ZNF367: variants seen among roughly 807,000 people sequenced by gnomAD.
ZNF367 encodes the protein C2H2 zinc finger protein ZFF29.
A neutral mutation model predicts 31.8 loss-of-function variants in ZNF367; 11 were observed. The ratio of observed to expected loss-of-function variants is 0.35; its 90% CI spans 0.22 to 0.57. The LOEUF (loss-of-function observed/expected upper bound fraction) is 0.57, where lower values mean the gene tolerates loss of function less well. ZNF367 is among the 20% of genes least tolerant of loss of function. The probability of loss-of-function intolerance (pLI) is 0.85; values close to 1 mark genes in which losing one functional copy is unlikely to be tolerated. For synonymous variants in ZNF367, 199 were observed against 202.4 expected, an observed-to-expected ratio of 0.98 and a Z score of 0.14; for missense variants, 353 against 484.1, an observed-to-expected ratio of 0.73 and a Z score of 2.54.
intron 1 of ZNF367, among the ~76,000 whole-genome samples, chr9:96,415,746 G>A (rs562035776): frequency 2.0e-5 from 3 of 151,938 alleles, no homozygotes; most frequent in African/African-American, 7.2e-5. Context: ...TGATCCACCC[G>A]CCTCAGCCTC....
At chr9:96,398,373 C>A in intron 1 of ZNF367, 59 bp from the exon 2 acceptor site, 2 of 1,463,520 alleles carry the variant, frequency 1.4e-6, no homozygotes, top group South Asian at 1.3e-5. Context: ...ATTAAAGCAA[C>A]GTATCATAAT....
chr9:96,397,049 T>C (rs963455732), intron 2 of ZNF367, among the ~76,000 whole-genome samples: 1 of 152,192 alleles, frequency 6.6e-6, no homozygotes, highest in African/African-American at 2.4e-5. Flanking sequence ...CAGTAAAAAT[T>C]ATTGTTTACT....
intron 2 of ZNF367, among the ~76,000 whole-genome samples, chr9:96,396,743 C>T (rs149589926): frequency 2.4e-3 from 372 of 152,000 alleles, no homozygotes; most frequent in African/African-American, 8.5e-3. Context: ...TCTTGGCTCA[C>T]CGCAACCTCC....
chr9:96,394,318 C>T (rs978331033), intron 3 of ZNF367, among the ~76,000 whole-genome samples: 1 of 152,166 alleles, frequency 6.6e-6, no homozygotes, highest in East Asian at 1.9e-4. Context: ...GACAGTAGAA[C>T]AATGGTGCCC....
At chr9:96,391,427 CCAGGCAGAGGAAGCAGGGTGCACA>C (rs1831470964) in intron 4 of ZNF367, among the ~76,000 whole-genome samples, 1 of 152,090 alleles carries the variant, frequency 6.6e-6, no homozygotes, top group African/African-American at 2.4e-5. Context: ...AGTGAGTGCT[CCAGGCAGAGGAAGCAGGGTGCACA>C]CAGGCCCTCA....
At chr9:96,409,734 A>G (rs556030578) in intron 1 of ZNF367, among the ~76,000 whole-genome samples, 2 of 152,332 alleles carry the variant, frequency 1.3e-5, no homozygotes, top group African/African-American at 4.8e-5. Flanking sequence ...GTAGCCACAT[A>G]TAGCTCAAGT....
intron 1 of ZNF367, among the ~76,000 whole-genome samples, chr9:96,410,935 G>A (rs111890169): frequency 1.3e-5 from 2 of 151,502 alleles, no homozygotes; most frequent in East Asian, 1.9e-4. Flanking sequence ...AGTGGCTCAC[G>A]CCTGTAATCC....
rs749572016 is a variant in ZNF367, at chr9:96,398,255, T to G, written c.480A>C (p.Gly160=). 3 of 1,613,830 alleles carry G rather than the reference T, an allele frequency of 1.9e-6. No individual in the cohort carries two copies. Among genetic ancestry groups the G allele is most frequent in the South Asian group, 1.1e-5 (1 of 91,046 alleles). ...ADTVRDLINE[G]EHSSSRIRCN... ...AACGGATTCTGCTGGATGAATGCTCTCCTTCATTTATTAAATCGCGGACAG... is the reference window on the plus strand; with the variant it reads ...AACGGATTCTGCTGGATGAATGCTCGCCTTCATTTATTAAATCGCGGACAG... The change falls in exon 2 of 5, where the codon GGA becomes GGC. Residue 160 remains glycine, a synonymous_variant. Transcript: ENST00000375256.
intron 2 of ZNF367, among the ~76,000 whole-genome samples, chr9:96,396,792 C>T (rs1224281209): frequency 6.6e-6 from 1 of 151,886 alleles, no homozygotes; most frequent in African/African-American, 2.4e-5. Flanking sequence ...CTCAGTTTCC[C>T]GAGTAACTGA....
At chr9:96,400,534 T>C (rs1243356607) in intron 1 of ZNF367, among the ~76,000 whole-genome samples, 4 of 147,482 alleles carry the variant, frequency 2.7e-5, no homozygotes, top group Non-Finnish European at 4.5e-5. Flanking sequence ...AGCTGAAACA[T>C]ACAATAACTA....
Position 96,387,614 on chromosome 9 carries a change from C to T in ZNF367, c.*623G>A, listed in dbSNP as rs1831420843. 2.0e-5 allele frequency: 3 copies of T among 152,260 alleles called. No individual in the cohort carries two copies. The highest frequency in any genetic ancestry group is 2.1e-4 in the South Asian group (1 of 4,816). 9.4% of individuals were successfully genotyped at this position (152,260 alleles called of 1,614,324 possible). On this transcript the variant is annotated 3_prime_UTR_variant, in exon 5 of 5. Transcript: ENST00000375256. ...CCCAGATAGAATAAGACTGATTTTGCTCCAATTTCAAAAATTCTGAACTAT... is the reference window on the plus strand; with the variant it reads ...CCCAGATAGAATAAGACTGATTTTGTTCCAATTTCAAAAATTCTGAACTAT...
intron 1 of ZNF367, among the ~76,000 whole-genome samples, chr9:96,416,277 G>A (rs1309655339): frequency 2.6e-5 from 4 of 151,776 alleles, no homozygotes; most frequent in Non-Finnish European, 1.5e-5. Flanking sequence ...GAGTAAAGAC[G>A]GGGTTTCACC....
At chr9:96,390,608 G>A (rs1475321510) in intron 4 of ZNF367, among the ~76,000 whole-genome samples, 3 of 152,158 alleles carry the variant, frequency 2.0e-5, no homozygotes, top group Admixed American at 1.3e-4. Flanking sequence ...AGGAGGCGAG[G>A]TGCGGTGGCT....
rs73536954 is a variant in ZNF367, at chr9:96,403,472, G to T, written c.421-5158C>A. Among the ~76,000 whole-genome samples the T allele has an allele frequency of 2.9e-3, 442 of 151,784 alleles. 3 individuals are homozygous for T. Among genetic ancestry groups the T allele is most frequent in the African/African-American group, 9.5e-3 (393 of 41,348 alleles). ...TGCAATCTCTATTAAAATTCCAGGG[G>T]TTTTTTTTCTTTTTTTTTCTTGCAG... On this transcript the variant is annotated intron_variant, in intron 1 of 4. Transcript: ENST00000375256.
intron 1 of ZNF367, among the ~76,000 whole-genome samples, chr9:96,415,737 G>C (rs113213433): frequency 0.015 from 2,327 of 151,750 alleles, 65 homozygotes; most frequent in African/African-American, 0.053. Flanking sequence ...GACCTCAGGT[G>C]ATCCACCCGC....
intron 1 of ZNF367, chr9:96,407,625 G>A (rs1053995589): frequency 9.6e-6 from 14 of 1,455,526 alleles, no homozygotes; most frequent in Non-Finnish European, 1.3e-5. Context: ...GAAAAGAGAA[G>A]GCGGGAAAAT....
chr9:96,402,432 A>G (rs1265930346), intron 1 of ZNF367, among the ~76,000 whole-genome samples: 1 of 143,840 alleles, frequency 7.0e-6, no homozygotes, highest in East Asian at 2.0e-4. Context: ...TACTTCCTTT[A>G]CTTCTTTCTT....
intron 1 of ZNF367, among the ~76,000 whole-genome samples, chr9:96,400,144 A>C (rs559833032): frequency 1.8e-4 from 27 of 152,320 alleles, no homozygotes; most frequent in African/African-American, 6.0e-4. Context: ...AAGATTTTAA[A>C]TCAACTGTCT....
rs551651323 is a variant in ZNF367, at chr9:96,410,419, G to A, written c.420+7194C>T. ...TACTAAAAAATACAAAAAATTAGCC[G>A]GGCGTGGTGGCGGGTGCCTGTAGTC... On this transcript the variant is annotated intron_variant, in intron 1 of 4. Coordinates refer to ENST00000375256, the MANE Select transcript of ZNF367 (RefSeq NM_153695.4). Among the ~76,000 whole-genome samples, 21 of 149,724 alleles carry A rather than the reference G, an allele frequency of 1.4e-4. No individual in the cohort carries two copies. In the East Asian group the frequency reaches 3.9e-3, roughly 28 times the overall value.
Sources: allele counts gnomAD v4.1 joint callset (sites outside exome capture counted in the v4.1 genomes callset), GRCh38; gene constraint gnomAD v4.1.1; transcripts MANE v1.5; gene names NCBI Gene and HGNC (gene_info 2026-07-23, HGNC 2026-07-21).